Variants in CCAR2 observed in about 807,000 individuals in gnomAD.
The protein encoded by CCAR2 is cell cycle and apoptosis regulator protein 2.
In CCAR2, 21 loss-of-function variants were observed where a neutral mutation model predicts 108.1. That is an observed-to-expected ratio of 0.19 (90% CI 0.14 to 0.28). The LOEUF is 0.28. Among genes scored for constraint, CCAR2 ranks in the 10% least tolerant of loss-of-function variants. The pLI is 1.00. For synonymous variants in CCAR2, 577 were observed against 472.8 expected (o/e 1.22, Z -2.86); for missense variants, 1,126 against 1,177.0 (o/e 0.96, Z 0.63).
intron 10 of CCAR2, 135 bp from the exon 11 acceptor site, chr8:22,614,703 C>CAGAT (rs1563918391): frequency 2.0e-6 from 2 of 1,005,964 alleles, no homozygotes; most frequent in Admixed American, 2.1e-5. Flanking sequence ...TTCATGTTTG[C>CAGAT]AGATAGAGAC....
rs201955343 is a variant in CCAR2, at chr8:22,619,764, C to T, written c.*82C>T. On this transcript the variant is annotated 3_prime_UTR_variant, in exon 21 of 21. Transcript: ENST00000308511. ...GAGCCCTTGCGGTACCAGAAAGCAG[C>T]GAGAGCGAGACCTGGGAGCCAGGGC... 8.3e-6 allele frequency: 12 copies of T among 1,453,872 alleles called. No individual in the cohort carries two copies. The highest frequency in any genetic ancestry group is 2.8e-5 in the African/African-American group (2 of 71,160). The allele number at this position is 1,453,872 out of a possible 1,614,324, so 90.1% of individuals were successfully genotyped here.
chr8:22,618,985 A>G lies in CCAR2; in HGVS notation c.2491A>G (p.Asn831Asp), dbSNP rs1801639071. ...QQDSGRLYLE[N>D]KIHTLELKLE... The stretch of plus-strand genomic sequence containing the variant: ...GGACAGCGGCCGGCTCTACCTAGAG[A>G]ACAAGATCCACACACTGGAGCTGAA... The change falls in exon 19 of 21, where the codon AAC becomes GAC. Residue 831 changes from asparagine to aspartate, a missense_variant. By Grantham distance (23) the Asn-to-Asp change is conservative. Coordinates refer to ENST00000308511, the MANE Select transcript of CCAR2 (RefSeq NM_001393997.1). 6.2e-7 allele frequency: 1 copy of G among 1,613,444 alleles called. No individual in the cohort carries two copies. The highest frequency in any genetic ancestry group is 8.5e-7 in the Non-Finnish European group (1 of 1,179,986).
At chr8:22,615,058 T>A (rs1801444351) in intron 11 of CCAR2, 57 bp downstream of exon 11, 1 of 1,484,412 alleles carries the variant, frequency 6.7e-7, no homozygotes. Context: ...GGAGGTTTTG[T>A]TGGGAAGGCC....
intron 16 of CCAR2, 128 bp from the exon 17 acceptor site, chr8:22,618,221 G>A (rs567079496): frequency 8.0e-7 from 1 of 1,257,068 alleles, no homozygotes; most frequent in Middle Eastern, 2.4e-4. Flanking sequence ...CTCCCCAGCA[G>A]CTGGGACTTC....
intron 7 of CCAR2, among the ~76,000 whole-genome samples, chr8:22,608,365 T>A (rs1457752453): frequency 6.6e-6 from 1 of 152,270 alleles, no homozygotes; most frequent in Non-Finnish European, 1.5e-5. Flanking sequence ...AATACTCTTC[T>A]GTTTCTAGTC....
chr8:22,612,817 C>A, intron 7 of CCAR2, 200 bp from the exon 8 acceptor site: 1 of 570,976 alleles, frequency 1.8e-6, no homozygotes, highest in Non-Finnish European at 2.9e-6. Context: ...GTGCTTTTTG[C>A]TTAACAGGAA....
chr8:22,613,637 G>A (rs1801383405), intron 8 of CCAR2, among the ~76,000 whole-genome samples: 1 of 152,180 alleles, frequency 6.6e-6, no homozygotes, highest in Non-Finnish European at 1.5e-5. Flanking sequence ...CCGTGCCGTT[G>A]CCAACACTGT....
At chr8:22,611,690 G>A (rs1470211325) in intron 7 of CCAR2, among the ~76,000 whole-genome samples, 1 of 151,984 alleles carries the variant, frequency 6.6e-6, no homozygotes, top group Non-Finnish European at 1.5e-5. Flanking sequence ...TTTCCATATT[G>A]CAGCATAATC....
chr8:22,614,331 C>T lies in CCAR2; in HGVS notation c.927+17C>T, dbSNP rs1035923229. The T allele has an allele frequency of 2.5e-6, 4 of 1,613,886 alleles. No individual in the cohort carries two copies. Among genetic ancestry groups the T allele is most frequent in the Non-Finnish European group, 3.4e-6 (4 of 1,179,894 alleles). ...AGTTCGAAGGTAAGCTGACAGGCGT[C>T]TCTCACTTATCTGATTTCTGGAGGC... On this transcript the variant is annotated intron_variant, in intron 9 of 20. Transcript: ENST00000308511.
rs1015127522 is a variant in CCAR2, at chr8:22,614,376, C to G, written c.928-14C>G. 1.2e-6 allele frequency: 2 copies of G among 1,613,900 alleles called. No homozygotes were observed. Among genetic ancestry groups the G allele is most frequent in the African/African-American group, 1.3e-5 (1 of 75,062 alleles). ...GGAGGCTGAAGGCAGCTCTGAGTGT[C>G]TCCTCCTGCACAGGTACTGCTGCTC... On this transcript the variant is annotated splice_polypyrimidine_tract_variant and intron_variant, in intron 9 of 20. Transcript: ENST00000308511.
chr8:22,619,248 A>G lies in CCAR2; in HGVS notation c.2620A>G (p.Thr874Ala), dbSNP rs765189898. 6.4e-7 allele frequency: 1 copy of G among 1,567,358 alleles called. No homozygotes were observed. Among genetic ancestry groups the G allele is most frequent in the South Asian group, 1.2e-5 (1 of 85,808 alleles). The change falls in exon 20 of 21, where the codon ACC becomes GCC. Residue 874 changes from threonine (T) to alanine (A), a missense_variant. Transcript: ENST00000308511. ...AGTCCGGCTGGCGGAGGCCGAGGAG[A>G]CCGCCCGGACGGCGGAGCGACAGAA... is the stretch of plus-strand genomic sequence containing the variant. ...LRVRLAEAEETARTAERQKSQ... is the reference protein window; with the variant it reads ...LRVRLAEAEEAARTAERQKSQ...
intron 1 of CCAR2, 56 bp from the exon 2 acceptor site, chr8:22,605,680 G>T: frequency 9.6e-7 from 1 of 1,042,128 alleles, no homozygotes; most frequent in Non-Finnish European, 1.5e-6. Context: ...CACTTTTCCG[G>T]GTATAGATGG....
intron 7 of CCAR2, among the ~76,000 whole-genome samples, chr8:22,611,570 A>T (rs1343015033): frequency 6.6e-6 from 1 of 152,050 alleles, no homozygotes; most frequent in African/African-American, 2.4e-5. Context: ...TGAAAAGGAA[A>T]ATCTCTTGCC....
downstream of CCAR2, chr8:22,621,141 G>T (rs912290032): frequency 2.3e-5 from 9 of 392,056 alleles, no homozygotes; most frequent in Non-Finnish European, 3.7e-5. Context: ...GCTGCAGCTT[G>T]CTCAGGCCGT....
At chr8:22,606,720 T>A in intron 4 of CCAR2, 22 bp downstream of exon 4, 1 of 1,591,430 alleles carries the variant, frequency 6.3e-7, no homozygotes, top group Non-Finnish European at 8.6e-7. Context: ...GTTGGTCCCC[T>A]AACGGAAATG....
intron 7 of CCAR2, among the ~76,000 whole-genome samples, chr8:22,612,546 G>A (rs868186688): frequency 9.8e-5 from 15 of 152,342 alleles, no homozygotes; most frequent in African/African-American, 3.4e-4. Context: ...GATCACAGGC[G>A]TGAGCCACCG....
chr8:22,618,790 G>C, intron 18 of CCAR2, 37 bp from the exon 19 acceptor site: 1 of 1,613,264 alleles, frequency 6.2e-7, no homozygotes, highest in South Asian at 1.1e-5. Context: ...CCTCTCTGGA[G>C]ACTCCATCCT....
intron 16 of CCAR2, 95 bp from the exon 17 acceptor site, chr8:22,618,253 GC>G: frequency 1.3e-6 from 2 of 1,535,022 alleles, no homozygotes; most frequent in Non-Finnish European, 1.8e-6. Context: ...ACTGCATGTG[GC>G]CCAAGCCACT....
At chr8:22,611,475 A>G (rs1216806094) in intron 7 of CCAR2, among the ~76,000 whole-genome samples, 1 of 150,894 alleles carries the variant, frequency 6.6e-6, no homozygotes, top group African/African-American at 2.4e-5. Context: ...TATATATGTA[A>G]AAATATGTGT....
Sources: gnomAD v4.1 joint callset for allele counts (sites outside exome capture counted in the v4.1 genomes callset) on GRCh38, gnomAD v4.1.1 for gene constraint, MANE v1.5 for transcripts, NCBI Gene and HGNC (gene_info 2026-07-23, HGNC 2026-07-21) for gene names.